The following STARD9 variants were observed in gnomAD, a reference collection of about 807,000 sequenced individuals.
STARD9 encodes the protein StAR related lipid transfer domain containing 9.
In STARD9, 346 loss-of-function variants were observed where a neutral mutation model predicts 399.8. The ratio of observed to expected loss-of-function variants is 0.87; its 90% CI spans 0.79 to 0.95. The LOEUF (loss-of-function observed/expected upper bound fraction) is 0.95, where lower values mean the gene tolerates loss of function less well. Among genes scored for constraint, STARD9 ranks in the 40% least tolerant of loss-of-function variants. STARD9 has a pLI of 0.00. For missense variants in STARD9, 5,832 were observed against 5,667.5 expected (o/e 1.03, Z -0.93); for synonymous variants, 2,203 against 2,143.5 (o/e 1.03, Z -0.77).
chr15:42,659,288 A>G (rs1394151679), intron 9 of STARD9, among the ~76,000 whole-genome samples: 1 of 152,230 alleles, frequency 6.6e-6, no homozygotes, highest in Non-Finnish European at 1.5e-5. Flanking sequence ...ACATTTCACT[A>G]AACAAAATAT....
At chr15:42,594,583 TAC>T (rs1185972373) in intron 3 of STARD9, among the ~76,000 whole-genome samples, 2 of 152,204 alleles carry the variant, frequency 1.3e-5, no homozygotes, top group Non-Finnish European at 2.9e-5. Flanking sequence ...CCATTCAAGA[TAC>T]TTACTTTTTC....
Position 42,719,887 on chromosome 15 carries a change from C to T in STARD9, c.*313C>T, listed in dbSNP as rs1405693860. ...TTCTGGGACTCTGCGGCAGACAGGA[C>T]ACTTAAGGACCAGGACTGGGCACAG... On this transcript the variant is annotated 3_prime_UTR_variant, in exon 33 of 33. Coordinates refer to ENST00000290607, the MANE Select transcript of STARD9 (RefSeq NM_020759.3). 7.4e-6 allele frequency: 2 copies of T among 270,066 alleles called. No individual in the cohort carries two copies. Among genetic ancestry groups the T allele is most frequent in the Non-Finnish European group, 1.4e-5 (2 of 141,464 alleles). 16.7% of individuals were successfully genotyped at this position (270,066 alleles called of 1,614,324 possible).
chr15:42,685,956 TC>T lies in STARD9; in HGVS notation c.4379del (p.Ser1460LeufsTer14). 11 of 1,537,162 alleles carry T rather than the reference TC, an allele frequency of 7.2e-6. No individual in the cohort carries two copies. Among genetic ancestry groups the T allele is most frequent in the Non-Finnish European group, 9.6e-6 (11 of 1,146,914 alleles). On this transcript the variant is annotated frameshift_variant, in exon 23 of 33. Transcript: ENST00000290607. LOFTEE classifies it high-confidence loss of function. Reference sequence around the variant, plus strand: ...GGGCAGCTCTGAAGCATCCCACAATTCTAGCGTATCAAACGTGCTGGCTGCC... The same window carrying T: ...GGGCAGCTCTGAAGCATCCCACAATTTAGCGTATCAAACGTGCTGGCTGCC... ...QQGSSEASHN[S>X]SVSNVLAASA...
chr15:42,689,498 A>T lies in STARD9; in HGVS notation c.7920A>T (p.Thr2640=), dbSNP rs747024349. Reference sequence around the variant, plus strand: ...CTGATGAGAGGAAAGTCCAGGCCACATCTCTGTCTGCAGACAGCTTTGAAT... The same window carrying T: ...CTGATGAGAGGAAAGTCCAGGCCACTTCTCTGTCTGCAGACAGCTTTGAAT... ...LLPDERKVQA[T]SLSADSFESL... Residue 2640 remains threonine, a synonymous_variant, in exon 23 of 33, where the codon ACA becomes ACT. Transcript: ENST00000290607. 1 of 1,537,310 alleles carries T rather than the reference A, an allele frequency of 6.5e-7. No individual in the cohort carries two copies. The highest frequency in any genetic ancestry group is 1.2e-5 in the South Asian group (1 of 84,062).
chr15:42,701,422 G>A (rs765405244), intron 26 of STARD9, among the ~76,000 whole-genome samples: 21 of 152,004 alleles, frequency 1.4e-4, no homozygotes, highest in South Asian at 2.1e-4. Flanking sequence ...TCTTTCATCC[G>A]TGTTTTACGG....
At chr15:42,674,738 G>C (rs2060274806) in intron 17 of STARD9, 89 bp from the exon 18 acceptor site, 1 of 1,441,832 alleles carries the variant, frequency 6.9e-7, no homozygotes, top group African/African-American at 1.4e-5. Context: ...AGGTCTTCCA[G>C]ATTTTGGATT....
intron 4 of STARD9, 75 bp downstream of exon 4, chr15:42,635,047 CAG>C: frequency 4.3e-6 from 3 of 692,704 alleles, no homozygotes; most frequent in Non-Finnish European, 6.8e-6. Flanking sequence ...TACTGTGAGA[CAG>C]AATATGATTT....
intron 3 of STARD9, among the ~76,000 whole-genome samples, chr15:42,610,198 C>T (rs1195589197): frequency 6.6e-6 from 1 of 152,194 alleles, no homozygotes; most frequent in Non-Finnish European, 1.5e-5. Flanking sequence ...GTCATTTTTG[C>T]TGCTCGCTGA....
At chr15:42,646,809 A>T (rs533155156) in intron 7 of STARD9, among the ~76,000 whole-genome samples, 1 of 152,214 alleles carries the variant, frequency 6.6e-6, no homozygotes, top group South Asian at 2.1e-4. Context: ...GGCTTTCGAC[A>T]TGCCTTCCTT....
chr15:42,654,697 AATACTT>A (rs1054594297), intron 9 of STARD9, among the ~76,000 whole-genome samples: 7 of 152,182 alleles, frequency 4.6e-5, no homozygotes, highest in Non-Finnish European at 1.0e-4. Context: ...GAAAAAAAAA[AATACTT>A]AGGCATACAC....
At chr15:42,581,452 G>A in intron 1 of STARD9, 1 of 1,531,306 alleles carries the variant, frequency 6.5e-7, no homozygotes, top group Non-Finnish European at 9.0e-7. Context: ...GCGCGGCTCT[G>A]GCTGGGCTGG....
Position 42,666,874 on chromosome 15 carries a change from T to G in STARD9, c.1317+1026T>G, listed in dbSNP as rs1182545393. Among the ~76,000 whole-genome samples the G allele has an allele frequency of 2.0e-5, 3 of 150,006 alleles. No individual in the cohort carries two copies. The East Asian group carries it at 6.0e-4, about 30-fold the overall frequency. On this transcript the variant is annotated intron_variant, in intron 15 of 32. Transcript: ENST00000290607. The stretch of plus-strand genomic sequence containing the variant: ...CTGTCACCCAGGCTGGAGTGCAGCG[T>G]TGTGATCTCAGCTCACTGCAACCTC...
chr15:42,693,668 C>G lies in STARD9; in HGVS notation c.12090C>G (p.Ser4030Arg), dbSNP rs1417652789. 3.3e-6 allele frequency: 5 copies of G among 1,537,248 alleles called. No homozygotes were observed. Among genetic ancestry groups the G allele is most frequent in the Middle Eastern group, 1.7e-4 (1 of 5,990 alleles). The change falls in exon 23 of 33, where the codon AGC (serine) becomes AGG (arginine). Residue 4030 changes from serine (S) to arginine (R), a missense_variant. Coordinates refer to ENST00000290607, the MANE Select transcript of STARD9 (RefSeq NM_020759.3). Reference protein sequence around the residue: ...LRHRSQRLGNSFVPEKVASPE... With the variant: ...LRHRSQRLGNRFVPEKVASPE... ...ACAGGAGCCAAAGGCTGGGCAACAGCTTTGTGCCTGAGAAGGTGGCTTCCC... is the reference window on the plus strand; with the variant it reads ...ACAGGAGCCAAAGGCTGGGCAACAGGTTTGTGCCTGAGAAGGTGGCTTCCC...
At chr15:42,705,907 C>T (rs555164207) in intron 26 of STARD9, among the ~76,000 whole-genome samples, 4 of 152,128 alleles carry the variant, frequency 2.6e-5, no homozygotes, top group African/African-American at 4.8e-5. Context: ...CGCCTGCCCC[C>T]ACGCCTGGCT....
rs1300457583 is a variant in STARD9, at chr15:42,663,354, C to T, written c.942C>T (p.Ile314=). The part of the protein sequence containing the change: ...SSVSNGGDSG[I]LSSPSGTSSG... ...TCAGCAATGGTGGTGACAGTGGGATCCTTAGCTCTCCTTCTGGGACCAGCA... is the reference window on the plus strand; with the variant it reads ...TCAGCAATGGTGGTGACAGTGGGATTCTTAGCTCTCCTTCTGGGACCAGCA... The change falls in exon 12 of 33, where the codon ATC becomes ATT. Residue 314 remains isoleucine (I), a synonymous_variant. Transcript: ENST00000290607. 2.5e-5 allele frequency: 38 copies of T among 1,537,188 alleles called. No individual in the cohort carries two copies. In the Admixed American group the frequency reaches 5.9e-4, roughly 24 times the overall value.
chr15:42,656,263 C>T (rs1235661974), intron 9 of STARD9, among the ~76,000 whole-genome samples: 1 of 128,624 alleles, frequency 7.8e-6, no homozygotes, highest in South Asian at 2.5e-4. Context: ...TGGAGAATTG[C>T]TTGAACCTGG....
rs946020533 is a variant in STARD9 at position 42,686,841 on chromosome 15, G to A, written c.5263G>A (p.Ala1755Thr). Residue 1755 changes from alanine to threonine, a missense_variant, in exon 23 of 33, where the codon GCC becomes ACC. Around this residue, in one of 2 missense-constraint regions of STARD9, gnomAD observed 5,828 missense variants for 5,651.1 expected, o/e 1.03. Coordinates refer to ENST00000290607, the MANE Select transcript of STARD9 (RefSeq NM_020759.3). Reference protein sequence around the residue: ...ETFYVTKSRDALTETALEIPA... With the variant: ...ETFYVTKSRDTLTETALEIPA... The stretch of plus-strand genomic sequence containing the variant: ...ATTCTATGTGACCAAAAGCAGGGAT[G>A]CCCTGACAGAAACTGCCTTAGAGAT... 3.3e-6 allele frequency: 5 copies of A among 1,537,122 alleles called. No homozygotes were observed. The highest frequency in any genetic ancestry group is 4.4e-6 in the Non-Finnish European group (5 of 1,146,922).
rs534619769 is a variant in STARD9 at position 42,617,428 on chromosome 15, T to C, written c.235-17428T>C. ...TCCAGGCTGGAGTACAGTGGCACGA[T>C]GTTGGCTCACTGCAACCTACTCCTC... On this transcript the variant is annotated intron_variant, in intron 3 of 32. Transcript: ENST00000290607. Among the ~76,000 whole-genome samples, 15 of 152,280 alleles carry C rather than the reference T, an allele frequency of 9.9e-5. No homozygotes were observed. In the South Asian group the frequency reaches 1.2e-3, roughly 13 times the overall value.
chr15:42,665,350 C>T lies in STARD9; in HGVS notation c.1254+20C>T, dbSNP rs1388496092. 1 of 1,526,616 alleles carries T rather than the reference C, an allele frequency of 6.6e-7. No homozygotes were observed. Among genetic ancestry groups the T allele is most frequent in the Non-Finnish European group, 8.8e-7 (1 of 1,137,694 alleles). 94.6% of individuals were successfully genotyped at this position (1,526,616 alleles called of 1,614,324 possible). A position where few individuals can be genotyped will look rare whatever the true frequency, so the allele number is the denominator to read the frequency against. Reference sequence around the variant, plus strand: ...GAACTGGTATGCAGACAGTCAGAACCTTTCCGTACTTAAGTGAAATTCTCC... The same window carrying T: ...GAACTGGTATGCAGACAGTCAGAACTTTTCCGTACTTAAGTGAAATTCTCC... On this transcript the variant is annotated intron_variant, in intron 14 of 32. Coordinates refer to ENST00000290607, the MANE Select transcript of STARD9 (RefSeq NM_020759.3).
Sources: gnomAD v4.1 joint callset for allele counts (sites outside exome capture counted in the v4.1 genomes callset) on GRCh38, gnomAD v4.1.1 for gene constraint, gnomAD v4.1.1 regional missense constraint, MANE v1.5 for transcripts, NCBI Gene and HGNC (gene_info 2026-07-23, HGNC 2026-07-21) for gene names.